The following CCDC150 variants were observed in gnomAD, a reference collection of about 807,000 sequenced individuals.
CCDC150 encodes coiled-coil domain-containing protein 150.
CCDC150 carries 151 observed loss-of-function variants against 156.5 expected under a neutral mutation model. The ratio of observed to expected loss-of-function variants is 0.97; its 90% CI spans 0.85 to 1.10. The LOEUF is 1.10. Ranked by LOEUF, CCDC150 falls within the 50% of genes least tolerant of loss-of-function variation. CCDC150 has a pLI of 0.00. For synonymous variants in CCDC150, 452 were observed against 429.4 expected (o/e 1.05, Z -0.65); for missense variants, 1,312 against 1,268.1 (o/e 1.03, Z -0.53).
At chr2:196,651,614 A>G (rs75077800) in intron 2 of CCDC150, among the ~76,000 whole-genome samples, 3,997 of 152,214 alleles carry the variant, frequency 0.026, 187 homozygotes, top group African/African-American at 0.091. Context: ...CTTCTTGCCT[A>G]CTAGGTTTCT....
intron 13 of CCDC150, among the ~76,000 whole-genome samples, chr2:196,690,835 GT>G (rs1695416902): frequency 6.6e-6 from 1 of 152,182 alleles, no homozygotes; most frequent in Admixed American, 6.5e-5. Flanking sequence ...GATATTGGCT[GT>G]GGGTTTGTCA....
chr2:196,702,606 A>T (rs936827458), intron 15 of CCDC150, among the ~76,000 whole-genome samples: 1 of 151,808 alleles, frequency 6.6e-6, no homozygotes, highest in Admixed American at 6.6e-5. Context: ...CCTGAGCTCA[A>T]GCAATCTGCC....
chr2:196,732,107 A>G lies in CCDC150; in HGVS notation c.3144A>G (p.Lys1048=). The G allele has an allele frequency of 6.2e-7, 1 of 1,613,876 alleles. No individual in the cohort carries two copies. The highest frequency in any genetic ancestry group is 1.1e-5 in the South Asian group (1 of 91,086). The part of the protein sequence containing the change: ...RFDGLQLELT[K]NRLQRPSGED... Reference sequence around the variant, plus strand: ...ATGGTCTACAACTTGAGCTGACAAAAAACCGGTTGCAGAGGCCTTCTGGGG... The same window carrying G: ...ATGGTCTACAACTTGAGCTGACAAAGAACCGGTTGCAGAGGCCTTCTGGGG... Residue 1048 remains lysine, a synonymous_variant, in exon 27 of 28, where the codon AAA becomes AAG. Transcript: ENST00000389175.
At chr2:196,671,800 C>A (rs948156246) in intron 8 of CCDC150, among the ~76,000 whole-genome samples, 1 of 152,182 alleles carries the variant, frequency 6.6e-6, no homozygotes, top group Non-Finnish European at 1.5e-5. Flanking sequence ...CATTAACTTA[C>A]TCATGGACAT....
intron 10 of CCDC150, 83 bp from the exon 11 acceptor site, chr2:196,676,060 T>C (rs1409343114): frequency 3.1e-6 from 4 of 1,306,604 alleles, no homozygotes; most frequent in Non-Finnish European, 4.3e-6. Flanking sequence ...GTTAGTTCAG[T>C]GTTTTTGATC....
chr2:196,715,582 G>A lies in CCDC150; in HGVS notation c.1866+2843G>A, dbSNP rs117154489. ...ACCCATCCAAAATAGTTTGATGAAC[G>A]TTTTCTTTTCAACAAAACTGAAAGC... On this transcript the variant is annotated intron_variant, in intron 17 of 27. Transcript: ENST00000389175. Among the ~76,000 whole-genome samples, 26 of 152,180 alleles carry A rather than the reference G, an allele frequency of 1.7e-4. 1 individual carries two copies. In the East Asian group the frequency reaches 4.6e-3, roughly 27 times the overall value.
At chr2:196,679,613 A>G (rs772999900) in intron 13 of CCDC150, among the ~76,000 whole-genome samples, 4 of 152,186 alleles carry the variant, frequency 2.6e-5, no homozygotes, top group Admixed American at 6.5e-5. Context: ...GCACATATGT[A>G]TTTCTGTTGG....
At chr2:196,686,290 C>T (rs935604960) in intron 13 of CCDC150, 5 of 185,554 alleles carry the variant, frequency 2.7e-5, no homozygotes, top group Non-Finnish European at 5.8e-5. Flanking sequence ...GCACCCACAG[C>T]TGGGCAAGTT....
chr2:196,701,743 T>C (rs898619904), intron 15 of CCDC150, among the ~76,000 whole-genome samples: 3 of 152,190 alleles, frequency 2.0e-5, no homozygotes, highest in African/African-American at 7.2e-5. Flanking sequence ...GGGAAGTGTA[T>C]GATATCTGCC....
chr2:196,677,094 G>C (rs775475253), intron 12 of CCDC150, 199 bp from the exon 13 acceptor site: 3 of 697,642 alleles, frequency 4.3e-6, no homozygotes, highest in Admixed American at 2.0e-5. Flanking sequence ...CTGACATGCA[G>C]ACGTGTCTTT....
intron 2 of CCDC150, 51 bp downstream of exon 2, chr2:196,646,555 CT>C: frequency 7.1e-7 from 1 of 1,406,304 alleles, no homozygotes; most frequent in Non-Finnish European, 1.0e-6. Flanking sequence ...TGCTTCACTG[CT>C]TATTAAGTCA....
At chr2:196,700,046 T>C (rs1696107438) in intron 14 of CCDC150, among the ~76,000 whole-genome samples, 1 of 152,238 alleles carries the variant, frequency 6.6e-6, no homozygotes. Flanking sequence ...TTTTATCTTA[T>C]CAGCTTACCT....
chr2:196,698,953 C>A (rs184745582), intron 14 of CCDC150, among the ~76,000 whole-genome samples: 5 of 152,248 alleles, frequency 3.3e-5, no homozygotes, highest in Non-Finnish European at 4.4e-5. Flanking sequence ...ACCATCCTTA[C>A]AATTTATTTG....
rs540599799 is a variant in CCDC150, at chr2:196,686,890, G to A, written c.1510-8156G>A. Among the ~76,000 whole-genome samples, 5 of 152,224 alleles carry A rather than the reference G, an allele frequency of 3.3e-5. No individual in the cohort carries two copies. The South Asian group carries it at 6.2e-4, about 19-fold the overall frequency. ...TGGTTTTCTGTTCCAGTGTTAGTTT[G>A]CTAAGGATAATGGCCCCCAGCTCCA... On this transcript the variant is annotated intron_variant, in intron 13 of 27. Coordinates refer to ENST00000389175, the MANE Select transcript of CCDC150 (RefSeq NM_001080539.2).
chr2:196,726,280 C>T (rs921785699), intron 22 of CCDC150, 181 bp downstream of exon 22: 34 of 565,856 alleles, frequency 6.0e-5, no homozygotes, highest in Admixed American at 1.3e-4. Flanking sequence ...TGACATAATT[C>T]TCTGCCCGAC....
intron 5 of CCDC150, among the ~76,000 whole-genome samples, chr2:196,661,685 T>A (rs926006725): frequency 6.6e-6 from 1 of 152,136 alleles, no homozygotes; most frequent in Non-Finnish European, 1.5e-5. Flanking sequence ...TAAATATATA[T>A]AAAATAGATA....
intron 13 of CCDC150, among the ~76,000 whole-genome samples, chr2:196,678,049 C>G (rs1422148906): frequency 6.6e-6 from 1 of 152,116 alleles, no homozygotes; most frequent in Non-Finnish European, 1.5e-5. Context: ...GCACCTGCCA[C>G]TGTATCTTCG....
chr2:196,645,079 G>T (rs1293248510), intron 1 of CCDC150, among the ~76,000 whole-genome samples: 1 of 152,054 alleles, frequency 6.6e-6, no homozygotes, highest in African/African-American at 2.4e-5. Flanking sequence ...AGCCAAGATC[G>T]CTCCATTTCA....
At chr2:196,652,026 G>A (rs778082709) in intron 2 of CCDC150, among the ~76,000 whole-genome samples, 8 of 152,120 alleles carry the variant, frequency 5.3e-5, no homozygotes, top group Admixed American at 1.3e-4. Context: ...TTACCATGGG[G>A]AGGGCACCAA....
Sources: allele counts gnomAD v4.1 joint callset (sites outside exome capture counted in the v4.1 genomes callset), GRCh38; gene constraint gnomAD v4.1.1; transcripts MANE v1.5; gene names NCBI Gene and HGNC (gene_info 2026-07-23, HGNC 2026-07-21).